ACOXL: variants seen among roughly 807,000 people sequenced by gnomAD.
ACOXL encodes the protein acyl-coenzyme A oxidase-like protein.
ACOXL carries 70 observed loss-of-function variants against 71.9 expected under a neutral mutation model. The ratio of observed to expected loss-of-function variants is 0.97; its 90% CI spans 0.80 to 1.19. The LOEUF is 1.19. Ranked by LOEUF, ACOXL falls within the 50% of genes most tolerant of loss-of-function variation. The probability of loss-of-function intolerance (pLI) is 0.00; values close to 1 mark genes in which losing one functional copy is unlikely to be tolerated. For missense variants in ACOXL, 703 were observed against 736.3 expected (o/e 0.95, Z 0.52); for synonymous variants, 253 against 281.6 (o/e 0.90, Z 1.02).
intron 10 of ACOXL, among the ~76,000 whole-genome samples, chr2:110,900,072 AACACAC>A (rs1207320985): frequency 3.2e-5 from 4 of 123,100 alleles, no homozygotes; most frequent in African/African-American, 1.3e-4. Flanking sequence ...AAAGCTTTTC[AACACAC>A]ACACACATAC....
At chr2:110,891,773 G>T (rs1472131791) in intron 10 of ACOXL, among the ~76,000 whole-genome samples, 12 of 151,966 alleles carry the variant, frequency 7.9e-5, no homozygotes, top group Non-Finnish European at 1.3e-4. Context: ...CATGAAATTG[G>T]GTTTTGTTTT....
At chr2:110,860,690 C>T (rs1276790758) in intron 10 of ACOXL, among the ~76,000 whole-genome samples, 1 of 152,124 alleles carries the variant, frequency 6.6e-6, no homozygotes, top group Non-Finnish European at 1.5e-5. Context: ...TCCTTTCTGG[C>T]CAGAACTCTA....
intron 2 of ACOXL, among the ~76,000 whole-genome samples, chr2:110,781,272 G>A (rs971562652): frequency 1.3e-5 from 2 of 152,158 alleles, no homozygotes; most frequent in African/African-American, 4.8e-5. Flanking sequence ...ATTTGGGGCT[G>A]GGTGGACAGA....
At chr2:110,977,117 T>G (rs1315349073) in intron 12 of ACOXL, among the ~76,000 whole-genome samples, 1 of 152,172 alleles carries the variant, frequency 6.6e-6, no homozygotes, top group Non-Finnish European at 1.5e-5. Flanking sequence ...CTGGGCATGG[T>G]GGCTCACTCC....
intron 14 of ACOXL, among the ~76,000 whole-genome samples, chr2:111,024,940 A>G (rs1268467712): frequency 2.6e-5 from 4 of 150,954 alleles, no homozygotes; most frequent in Admixed American, 2.0e-4. Flanking sequence ...CATGAATTAA[A>G]ATTAACCAAT....
rs370534494 is a variant in ACOXL at position 110,780,016 on chromosome 2, G to A, written c.76-4716G>A. The stretch of plus-strand genomic sequence containing the variant: ...AAGACATCATTAAGAGAATAAAAAG[G>A]CAATGTACAAAGTAGGAAAAAATCT... On this transcript the variant is annotated intron_variant, in intron 2 of 17. Coordinates refer to ENST00000439055, the MANE Select transcript of ACOXL (RefSeq NM_001142807.4). Among the ~76,000 whole-genome samples, 11 of 152,198 alleles carry A rather than the reference G, an allele frequency of 7.2e-5. No homozygotes were observed. The South Asian group carries it at 2.1e-3, about 29-fold the overall frequency.
chr2:110,799,255 T>C (rs1685655756), intron 7 of ACOXL, among the ~76,000 whole-genome samples, 155 bp downstream of exon 7: 1 of 152,224 alleles, frequency 6.6e-6, no homozygotes, highest in Admixed American at 6.5e-5. Context: ...TCATGAAGTC[T>C]TTTATGTAGA....
chr2:111,117,317 C>T (rs938685335), intron 17 of ACOXL, among the ~76,000 whole-genome samples: 5 of 152,206 alleles, frequency 3.3e-5, no homozygotes, highest in African/African-American at 1.2e-4. Flanking sequence ...ATTCTCAGAC[C>T]TTGGTCTCGA....
intron 2 of ACOXL, among the ~76,000 whole-genome samples, chr2:110,781,668 T>TA (rs1162481258): frequency 2.7e-5 from 4 of 150,094 alleles, no homozygotes; most frequent in South Asian, 2.1e-4. Context: ...TAAATAAATA[T>TA]AAAAAAAGAA....
intron 17 of ACOXL, among the ~76,000 whole-genome samples, chr2:111,102,510 C>T (rs1197075600): frequency 2.0e-5 from 3 of 152,126 alleles, no homozygotes; most frequent in Non-Finnish European, 4.4e-5. Flanking sequence ...TCCTGGTCTC[C>T]TTGGGGAGAT....
Position 110,957,884 on chromosome 2 carries a change from C to T in ACOXL, c.1059+24242C>T, listed in dbSNP as rs561370336. ...CCAGCCTGGCCAACATGGTGAAACC[C>T]CGTCTCTACTAAAAATACAAAAAAA... On this transcript the variant is annotated intron_variant, in intron 12 of 17. Coordinates refer to ENST00000439055, the MANE Select transcript of ACOXL (RefSeq NM_001142807.4). Among the ~76,000 whole-genome samples the T allele has an allele frequency of 2.9e-3, 446 of 151,920 alleles. 2 individuals are homozygous for T. The highest frequency in any genetic ancestry group is 0.01 in the African/African-American group (416 of 41,398).
rs571363980 is a variant in ACOXL, at chr2:110,963,848, T to C, written c.1060-23260T>C. The C allele has an allele frequency of 8.0e-5, 102 of 1,269,592 alleles. No homozygotes were observed. The African/African-American group carries it at 1.4e-3, about 17-fold the overall frequency. The allele number at this position is 1,269,592 out of a possible 1,614,324, so 78.6% of individuals were successfully genotyped here. On this transcript the variant is annotated intron_variant, in intron 12 of 17. Transcript: ENST00000439055. Reference sequence around the variant, plus strand: ...TTAGGCACTTGATATTTGTTGTAGCTGAACAGGGGATTACGTTATTTCTCT... The same window carrying C: ...TTAGGCACTTGATATTTGTTGTAGCCGAACAGGGGATTACGTTATTTCTCT...
intron 15 of ACOXL, among the ~76,000 whole-genome samples, chr2:111,040,781 T>C (rs1412462942): frequency 2.0e-5 from 3 of 152,058 alleles, no homozygotes; most frequent in Non-Finnish European, 4.4e-5. Context: ...GAGGGAGGCA[T>C]GAAGTGCGTG....
intron 9 of ACOXL, among the ~76,000 whole-genome samples, chr2:110,818,370 G>C (rs1332151788): frequency 2.1e-4 from 29 of 139,892 alleles, no homozygotes; most frequent in Non-Finnish European, 6.1e-5. Flanking sequence ...CTCCAGCCTG[G>C]TTGACAGAGT....
chr2:110,751,659 C>T (rs969527404), intron 1 of ACOXL, among the ~76,000 whole-genome samples: 1 of 152,144 alleles, frequency 6.6e-6, no homozygotes, highest in Non-Finnish European at 1.5e-5. Context: ...ACCTATGTAA[C>T]CCAACCCCTA....
intron 16 of ACOXL, among the ~76,000 whole-genome samples, chr2:111,079,698 C>T (rs1316258110): frequency 6.6e-6 from 1 of 152,108 alleles, no homozygotes; most frequent in South Asian, 2.1e-4. Flanking sequence ...TTTCAGAGTC[C>T]TCAAGTAGCT....
intron 10 of ACOXL, among the ~76,000 whole-genome samples, chr2:110,856,068 C>T (rs947986712): frequency 6.6e-5 from 10 of 152,150 alleles, no homozygotes; most frequent in East Asian, 3.9e-4. Context: ...CGTTGATTGG[C>T]GCATTTTACA....
chr2:110,813,265 C>T (rs1423487838), intron 9 of ACOXL, among the ~76,000 whole-genome samples: 2 of 152,182 alleles, frequency 1.3e-5, no homozygotes, highest in African/African-American at 2.4e-5. Flanking sequence ...AGGAACAGAA[C>T]TCCCTTTAAG....
chr2:110,886,821 G>C, intron 10 of ACOXL: 2 of 1,550,964 alleles, frequency 1.3e-6, no homozygotes, highest in Non-Finnish European at 1.7e-6. Context: ...AGCTCCAGCT[G>C]GTCTTTATTG....
Sources: gnomAD v4.1 joint callset for allele counts (sites outside exome capture counted in the v4.1 genomes callset) on GRCh38, gnomAD v4.1.1 for gene constraint, MANE v1.5 for transcripts, NCBI Gene and HGNC (gene_info 2026-07-23, HGNC 2026-07-21) for gene names.